Variants in PLEKHA5 observed in about 807,000 individuals in gnomAD.
PLEKHA5 encodes the protein pleckstrin homology domain-containing family A member 5.
In PLEKHA5, 55 loss-of-function variants were observed where a neutral mutation model predicts 181.9. That is an observed-to-expected ratio of 0.30 (90% CI 0.24 to 0.38). PLEKHA5 has a LOEUF of 0.38. Among genes scored for constraint, PLEKHA5 ranks in the 10% least tolerant of loss-of-function variants. The pLI, the probability that PLEKHA5 is intolerant of heterozygous loss-of-function variation, is 1.00. For missense variants in PLEKHA5, 1,432 were observed against 1,549.5 expected (o/e 0.92, Z 1.27); for synonymous variants, 535 against 529.4 (o/e 1.01, Z -0.15).
At chr12:19,203,272 C>G (rs1034553215) in intron 3 of PLEKHA5, among the ~76,000 whole-genome samples, 7 of 151,954 alleles carry the variant, frequency 4.6e-5, no homozygotes, top group Non-Finnish European at 1.0e-4. Context: ...CCTCATTTAC[C>G]TGTTTTTCTG....
chr12:19,311,174 C>G (rs970805381), intron 15 of PLEKHA5, among the ~76,000 whole-genome samples: 10 of 151,246 alleles, frequency 6.6e-5, no homozygotes, highest in African/African-American at 2.4e-4. Flanking sequence ...TGTCTCATGC[C>G]TGTCACTTTG....
intron 3 of PLEKHA5, among the ~76,000 whole-genome samples, chr12:19,199,973 A>G (rs1482799245): frequency 6.6e-6 from 1 of 152,062 alleles, no homozygotes; most frequent in Admixed American, 6.6e-5. Flanking sequence ...TGGAATGATG[A>G]CAGTATAGGG....
At chr12:19,168,014 C>T (rs1269779168) in intron 3 of PLEKHA5, among the ~76,000 whole-genome samples, 2 of 152,070 alleles carry the variant, frequency 1.3e-5, no homozygotes, top group African/African-American at 2.4e-5. Context: ...ATATGTATAT[C>T]GGTTAGTGGA....
intron 7 of PLEKHA5, among the ~76,000 whole-genome samples, chr12:19,264,501 T>C (rs1048784565): frequency 1.3e-5 from 2 of 152,236 alleles, no homozygotes; most frequent in African/African-American, 4.8e-5. Flanking sequence ...GTTTGACTTA[T>C]TCTTTTAAAT....
At chr12:19,198,018 C>G (rs2053350239) in intron 3 of PLEKHA5, among the ~76,000 whole-genome samples, 1 of 152,164 alleles carries the variant, frequency 6.6e-6, no homozygotes, top group South Asian at 2.1e-4. Flanking sequence ...CTCTCCATCT[C>G]TGCCACACCT....
intron 3 of PLEKHA5, chr12:19,201,945 G>C (rs896519605): frequency 2.1e-6 from 1 of 469,064 alleles, no homozygotes. Context: ...ACCATAGGTG[G>C]GTTTAATGAA....
chr12:19,189,395 G>A (rs142028695), intron 3 of PLEKHA5, among the ~76,000 whole-genome samples: 122 of 152,304 alleles, frequency 8.0e-4, no homozygotes, highest in African/African-American at 2.8e-3. Context: ...TTGAAGTGGA[G>A]ATTTTGCAGA....
intron 31 of PLEKHA5, 149 bp downstream of exon 31, chr12:19,369,947 T>C (rs2095535025): frequency 2.2e-6 from 1 of 463,530 alleles, no homozygotes; most frequent in East Asian, 3.4e-5. Context: ...GGAACCAGGG[T>C]TGGTAACAGA....
chr12:19,169,021 A>G (rs1484763104), intron 3 of PLEKHA5, among the ~76,000 whole-genome samples: 2 of 152,214 alleles, frequency 1.3e-5, no homozygotes, highest in African/African-American at 2.4e-5. Flanking sequence ...CATGATGGAT[A>G]TTCAAATAAT....
chr12:19,245,584 C>T (rs929265731), intron 3 of PLEKHA5, among the ~76,000 whole-genome samples: 6 of 151,592 alleles, frequency 4.0e-5, no homozygotes, highest in Admixed American at 6.6e-5. Context: ...AAAAATTAGC[C>T]GGGCGTGGTG....
At chr12:19,307,177 G>A in intron 15 of PLEKHA5, 1 of 706,498 alleles carries the variant, frequency 1.4e-6, no homozygotes, top group Non-Finnish European at 2.6e-6. Context: ...CTCTAGTAAA[G>A]AAATAGAGAA....
chr12:19,230,031 C>G (rs550515584), intron 3 of PLEKHA5, among the ~76,000 whole-genome samples: 3 of 151,926 alleles, frequency 2.0e-5, no homozygotes, highest in African/African-American at 7.2e-5. Flanking sequence ...TCTCCAAGTC[C>G]GCACCAGATT....
At chr12:19,230,176 T>G (rs946753396) in intron 3 of PLEKHA5, among the ~76,000 whole-genome samples, 2 of 151,914 alleles carry the variant, frequency 1.3e-5, no homozygotes, top group African/African-American at 4.8e-5. Context: ...AGATACAGAG[T>G]GCTGATTGGT....
At chr12:19,275,133 A>G in intron 11 of PLEKHA5, 150 bp downstream of exon 11, 1 of 619,732 alleles carries the variant, frequency 1.6e-6, no homozygotes, top group South Asian at 2.0e-5. Flanking sequence ...TAATGATCAG[A>G]TATAAGTATT....
intron 3 of PLEKHA5, among the ~76,000 whole-genome samples, chr12:19,215,954 G>C (rs2057891046): frequency 6.6e-6 from 1 of 152,160 alleles, no homozygotes; most frequent in African/African-American, 2.4e-5. Context: ...AAACTTAAAA[G>C]ATAAGTGTAA....
At chr12:19,366,762 T>C (rs1433041520) in intron 30 of PLEKHA5, among the ~76,000 whole-genome samples, 1 of 152,174 alleles carries the variant, frequency 6.6e-6, no homozygotes, top group Non-Finnish European at 1.5e-5. Context: ...GGATTTAATA[T>C]CTAAACTAAT....
intron 16 of PLEKHA5, among the ~76,000 whole-genome samples, chr12:19,319,231 C>T (rs2089996421): frequency 6.6e-6 from 1 of 152,114 alleles, no homozygotes; most frequent in African/African-American, 2.4e-5. Flanking sequence ...ATGTAATATT[C>T]ATTCCTATGA....
intron 15 of PLEKHA5, among the ~76,000 whole-genome samples, chr12:19,298,325 G>A (rs1365945801): frequency 6.6e-6 from 1 of 151,326 alleles, no homozygotes; most frequent in East Asian, 1.9e-4. Flanking sequence ...AATTTAATAT[G>A]TGTCTCTTAA....
chr12:19,148,500 C>T (rs1340183922), intron 3 of PLEKHA5, among the ~76,000 whole-genome samples: 1 of 152,246 alleles, frequency 6.6e-6, no homozygotes, highest in Non-Finnish European at 1.5e-5. Flanking sequence ...ACGGGCCTAG[C>T]AGGTCACATT....
Sources: allele counts gnomAD v4.1 joint callset (sites outside exome capture counted in the v4.1 genomes callset), GRCh38; gene constraint gnomAD v4.1.1; transcripts MANE v1.5; gene names NCBI Gene and HGNC (gene_info 2026-07-23, HGNC 2026-07-21).